Variants in SUMF1 observed in about 807,000 individuals in gnomAD.
SUMF1 encodes the protein sulfatase modifying factor 1.
In SUMF1, 48 loss-of-function variants were observed where a neutral mutation model predicts 47.6. The observed-to-expected ratio is 1.01, with a 90% CI of 0.80 to 1.28. The LOEUF is 1.28. Among genes scored for constraint, SUMF1 ranks in the 50% most tolerant of loss-of-function variants. The pLI is 0.00. For missense variants in SUMF1, 571 were observed against 485.4 expected, an observed-to-expected ratio of 1.18 and a Z score of -1.66; for synonymous variants, 230 against 192.1, an observed-to-expected ratio of 1.20 and a Z score of -1.63.
chr3:4,421,771 T>C (rs711661), intron 3 of SUMF1, among the ~76,000 whole-genome samples: 138,705 of 152,234 alleles, frequency 0.91, 64,467 homozygotes, highest in Non-Finnish European at 1. Flanking sequence ...AGGTGTAAGC[T>C]ACTGCACCTG....
intron 8 of SUMF1, among the ~76,000 whole-genome samples, chr3:4,076,725 C>T (rs1016551303): frequency 3.3e-5 from 5 of 152,146 alleles, no homozygotes; most frequent in Admixed American, 6.5e-5. Flanking sequence ...ACTGGCCGGG[C>T]GTGGTGGCTC....
At chr3:4,440,857 G>C (rs116397093) in intron 3 of SUMF1, among the ~76,000 whole-genome samples, 1 of 152,174 alleles carries the variant, frequency 6.6e-6, no homozygotes, top group African/African-American at 2.4e-5. Context: ...CCCACCAACA[G>C]CAACTGTTTT....
At chr3:4,219,323 T>C (rs1696011511) in intron 8 of SUMF1, among the ~76,000 whole-genome samples, 1 of 152,186 alleles carries the variant, frequency 6.6e-6, no homozygotes, top group Non-Finnish European at 1.5e-5. Flanking sequence ...GCTGATCCCA[T>C]TTTACAGATG....
At chr3:4,316,630 T>C in intron 8 of SUMF1, 2 of 1,551,286 alleles carry the variant, frequency 1.3e-6, no homozygotes, top group Non-Finnish European at 1.7e-6. Context: ...TCTTCTCTTA[T>C]TCTACGCAAC....
At chr3:4,165,219 C>A (rs1280931606) in intron 8 of SUMF1, among the ~76,000 whole-genome samples, 1 of 152,190 alleles carries the variant, frequency 6.6e-6, no homozygotes, top group East Asian at 1.9e-4. Context: ...CTAACAATAG[C>A]ATGACGTCTC....
chr3:4,163,628 T>G, intron 8 of SUMF1, among the ~76,000 whole-genome samples: 1 of 151,214 alleles, frequency 6.6e-6, no homozygotes, highest in Non-Finnish European at 1.5e-5. Context: ...CTCCTTTGTA[T>G]GAGAGGAAAT....
At chr3:4,436,344 T>A (rs189160516) in intron 3 of SUMF1, among the ~76,000 whole-genome samples, 5 of 152,186 alleles carry the variant, frequency 3.3e-5, no homozygotes, top group Non-Finnish European at 7.4e-5. Flanking sequence ...TATATTGTAA[T>A]CCTTAGAGCT....
chr3:4,436,840 G>A (rs1702416258), intron 3 of SUMF1, among the ~76,000 whole-genome samples: 1 of 142,420 alleles, frequency 7.0e-6, no homozygotes, highest in Non-Finnish European at 1.5e-5. Context: ...ATCAGCCAGA[G>A]CTGCATCACC....
At chr3:4,173,468 G>C (rs1164945645) in intron 8 of SUMF1, among the ~76,000 whole-genome samples, 1 of 152,194 alleles carries the variant, frequency 6.6e-6, no homozygotes, top group Admixed American at 6.5e-5. Flanking sequence ...GGAAGACAGT[G>C]TGGCAATTCC....
intron 9 of SUMF1, among the ~76,000 whole-genome samples, chr3:4,062,913 C>G (rs1695299261): frequency 6.6e-6 from 1 of 152,108 alleles, no homozygotes; most frequent in South Asian, 2.1e-4. Flanking sequence ...AGTTTTGTCT[C>G]TGGATGGCCT....
At chr3:4,103,345 A>C (rs10510286) in intron 8 of SUMF1, among the ~76,000 whole-genome samples, 22,895 of 152,076 alleles carry the variant, frequency 0.15, 3,718 homozygotes, top group African/African-American at 0.39. Context: ...TATTAGATGA[A>C]TTATAACCAC....
chr3:4,041,593 C>T (rs1031142373), intron 9 of SUMF1, among the ~76,000 whole-genome samples: 5 of 152,128 alleles, frequency 3.3e-5, no homozygotes, highest in Non-Finnish European at 5.9e-5. Context: ...AGATAGCTGG[C>T]ATATCTACAG....
At chr3:4,075,483 T>C (rs1280902182) in intron 8 of SUMF1, among the ~76,000 whole-genome samples, 3 of 152,128 alleles carry the variant, frequency 2.0e-5, no homozygotes, top group Non-Finnish European at 4.4e-5. Flanking sequence ...TTAGAAGTTC[T>C]GGCCAGGGCA....
chr3:4,435,972 C>G (rs1702383139), intron 3 of SUMF1, among the ~76,000 whole-genome samples: 2 of 152,182 alleles, frequency 1.3e-5, no homozygotes, highest in Admixed American at 1.3e-4. Flanking sequence ...ATATAACAGA[C>G]TATTTTTCTT....
chr3:4,077,048 T>C (rs1330291137), intron 8 of SUMF1, among the ~76,000 whole-genome samples: 1 of 151,836 alleles, frequency 6.6e-6, no homozygotes, highest in Non-Finnish European at 1.5e-5. Flanking sequence ...AACAGACATA[T>C]GAAAAAATGC....
chr3:4,304,971 G>T (rs1397904889), intron 8 of SUMF1, among the ~76,000 whole-genome samples: 4 of 151,784 alleles, frequency 2.6e-5, no homozygotes, highest in Non-Finnish European at 5.9e-5. Context: ...ACTCAAAGTG[G>T]TGGGGGGGGC....
intron 8 of SUMF1, among the ~76,000 whole-genome samples, chr3:4,137,903 A>C (rs1390340002): frequency 7.5e-6 from 1 of 132,784 alleles, no homozygotes; most frequent in East Asian, 2.1e-4. Flanking sequence ...GCATATAGTA[A>C]ACACTAATAA....
At chr3:4,133,647 C>A (rs1421122656) in intron 8 of SUMF1, among the ~76,000 whole-genome samples, 2 of 152,064 alleles carry the variant, frequency 1.3e-5, no homozygotes, top group African/African-American at 2.4e-5. Context: ...TTTCACCCTA[C>A]ATCTTTCTCC....
At chr3:4,367,917 T>G (rs1412952114) in intron 8 of SUMF1, among the ~76,000 whole-genome samples, 1 of 151,908 alleles carries the variant, frequency 6.6e-6, no homozygotes, top group Non-Finnish European at 1.5e-5. Flanking sequence ...ATTCAGGACA[T>G]AGGCATGGGC....
Sources: gnomAD v4.1 joint callset for allele counts (sites outside exome capture counted in the v4.1 genomes callset) on GRCh38, gnomAD v4.1.1 for gene constraint, MANE v1.5 for transcripts, NCBI Gene and HGNC (gene_info 2026-07-23, HGNC 2026-07-21) for gene names.